The following ZC3H18 variants were observed in gnomAD, a reference collection of about 807,000 sequenced individuals.
ZC3H18 encodes the protein zinc finger CCCH domain-containing protein 18.
In ZC3H18, 8 loss-of-function variants were observed where a neutral mutation model predicts 106.1. The observed-to-expected ratio is 0.08, with a 90% CI of 0.04 to 0.14. The LOEUF (loss-of-function observed/expected upper bound fraction) is 0.14, where lower values mean the gene tolerates loss of function less well. Ranked by LOEUF, ZC3H18 falls within the 10% of genes least tolerant of loss-of-function variation. The probability of loss-of-function intolerance (pLI) is 1.00; values close to 1 mark genes in which losing one functional copy is unlikely to be tolerated. For synonymous variants in ZC3H18, 635 were observed against 522.1 expected, an observed-to-expected ratio of 1.22 and a Z score of -2.95; for missense variants, 1,318 against 1,278.4, an observed-to-expected ratio of 1.03 and a Z score of -0.47.
intron 16 of ZC3H18, 91 bp downstream of exon 16, chr16:88,628,945 A>G (rs1906493878): frequency 2.3e-6 from 3 of 1,295,642 alleles, no homozygotes; most frequent in African/African-American, 1.5e-5. Flanking sequence ...GCTCTTAACA[A>G]GTAGGAGGAG....
At chr16:88,590,564 CTT>C (rs57632461) in intron 3 of ZC3H18, among the ~76,000 whole-genome samples, 17 of 100,670 alleles carry the variant, frequency 1.7e-4, no homozygotes, top group Admixed American at 9.1e-4. Context: ...TTCTTTATTT[CTT>C]TTTTTTTTTT....
At chr16:88,616,242 T>G (rs939549964) in intron 8 of ZC3H18, among the ~76,000 whole-genome samples, 2 of 152,122 alleles carry the variant, frequency 1.3e-5, no homozygotes, top group Non-Finnish European at 2.9e-5. Flanking sequence ...CTAAATGAGT[T>G]TTTCTTAAAA....
At chr16:88,587,548 T>C in intron 3 of ZC3H18, 1 of 1,536,136 alleles carries the variant, frequency 6.5e-7, no homozygotes, top group East Asian at 2.4e-5. Context: ...CCAGATGTTG[T>C]GACACCATTA....
intron 8 of ZC3H18, among the ~76,000 whole-genome samples, chr16:88,619,050 T>A (rs1195737989): frequency 6.6e-6 from 1 of 152,192 alleles, no homozygotes; most frequent in Non-Finnish European, 1.5e-5. Context: ...TGACATTCTT[T>A]GCTGAGAGAA....
At chr16:88,597,820 C>G (rs890632887) in intron 3 of ZC3H18, among the ~76,000 whole-genome samples, 6 of 152,252 alleles carry the variant, frequency 3.9e-5, no homozygotes, top group African/African-American at 1.4e-4. Flanking sequence ...CCAGTTGTAC[C>G]TAGATGAGCC....
chr16:88,582,488 A>T (rs1201897939), intron 2 of ZC3H18, among the ~76,000 whole-genome samples: 9 of 152,114 alleles, frequency 5.9e-5, no homozygotes. Context: ...GTCTGGATCC[A>T]TGAGCTCTTC....
intron 3 of ZC3H18, among the ~76,000 whole-genome samples, chr16:88,591,773 A>G (rs1915766579): frequency 6.6e-6 from 1 of 152,034 alleles, no homozygotes; most frequent in South Asian, 2.1e-4. Flanking sequence ...GTTGCTGATG[A>G]CCTGGTGGTT....
chr16:88,612,663 A>G (rs2142755095), intron 8 of ZC3H18, among the ~76,000 whole-genome samples: 1 of 151,278 alleles, frequency 6.6e-6, no homozygotes, highest in Admixed American at 6.6e-5. Flanking sequence ...TGGATGACAA[A>G]GTGAGACCCT....
At chr16:88,622,088 C>T in intron 8 of ZC3H18, 109 bp from the exon 9 acceptor site, 2 of 1,319,610 alleles carry the variant, frequency 1.5e-6, no homozygotes, top group South Asian at 1.6e-5. Context: ...TCAGGTGATC[C>T]TTAAATAAGC....
intron 17 of ZC3H18, among the ~76,000 whole-genome samples, chr16:88,630,852 G>A (rs542977668): frequency 3.3e-5 from 5 of 151,378 alleles, no homozygotes; most frequent in African/African-American, 1.2e-4. Flanking sequence ...CCTGGGCACA[G>A]AGGTGGGAAG....
In ZC3H18 at chr16:88,627,184, C is replaced by T. The variant is rs770340138; in HGVS notation, c.2109-438C>T. ...TCCCGGGTTCAAGCGATTTTTTTGC[C>T]TCAGCCTCCCCAGTAGCTGGGATTA... is the stretch of plus-strand genomic sequence containing the variant. On this transcript the variant is annotated intron_variant, in intron 13 of 17. Coordinates refer to ENST00000301011, the MANE Select transcript of ZC3H18 (RefSeq NM_144604.4). The surrounding 1 kb of genome is among the most constrained non-coding windows in gnomAD (Gnocchi z 4.5). The T allele has an allele frequency of 6.5e-6, 1 of 154,602 alleles. No homozygotes were observed. The highest frequency in any genetic ancestry group is 1.4e-5 in the Non-Finnish European group (1 of 69,666). 9.6% of individuals were successfully genotyped at this position (154,602 alleles called of 1,614,324 possible). A position where few individuals can be genotyped will look rare whatever the true frequency, so the allele number is the denominator to read the frequency against.
At chr16:88,599,677 AGCTCCT>A (rs1435845161) in intron 5 of ZC3H18, 108 bp from the exon 6 acceptor site, 23 of 1,272,128 alleles carry the variant, frequency 1.8e-5, no homozygotes, top group Non-Finnish European at 2.5e-5. Flanking sequence ...TGCAGCGTGC[AGCTCCT>A]GCTCCTGCAG....
intron 3 of ZC3H18, among the ~76,000 whole-genome samples, chr16:88,591,978 C>T (rs1354709248): frequency 1.3e-5 from 2 of 150,712 alleles, no homozygotes; most frequent in South Asian, 2.1e-4. Context: ...TTTGAGGAAC[C>T]GCTGGCAGCG....
At chr16:88,606,406 C>T (rs914018507) in intron 6 of ZC3H18, among the ~76,000 whole-genome samples, 5 of 152,240 alleles carry the variant, frequency 3.3e-5, no homozygotes, top group African/African-American at 1.2e-4. Flanking sequence ...TTCCTATCCG[C>T]TCATCCACGA....
intron 6 of ZC3H18, among the ~76,000 whole-genome samples, chr16:88,602,322 G>A (rs1233344212): frequency 6.6e-6 from 1 of 152,264 alleles, no homozygotes; most frequent in Admixed American, 6.5e-5. Context: ...TGCATGACAG[G>A]CTTCGCATCC....
Position 88,577,677 on chromosome 16 carries a change from A to T in ZC3H18, c.554A>T (p.Glu185Val). Residue 185 changes from glutamate to valine, a missense_variant, in exon 2 of 18, where the codon GAG (glutamate) becomes GTG (valine). Physicochemically the swap from Glu to Val is moderately radical, Grantham distance 121. Transcript: ENST00000301011. ...AAGGAATCCCTGGAGGCTGCCAAGGAGAAAAAGAAAGAGGACGATGATGGA... is the reference window on the plus strand; with the variant it reads ...AAGGAATCCCTGGAGGCTGCCAAGGTGAAAAAGAAAGAGGACGATGATGGA... ...GEKESLEAAK[E>V]KKKEDDDGEI... 1 of 1,613,892 alleles carries T rather than the reference A, an allele frequency of 6.2e-7. No homozygotes were observed. Among genetic ancestry groups the T allele is most frequent in the Non-Finnish European group, 8.5e-7 (1 of 1,180,034 alleles).
intron 6 of ZC3H18, among the ~76,000 whole-genome samples, chr16:88,607,386 T>C (rs1055582523): frequency 6.6e-6 from 1 of 152,214 alleles, no homozygotes; most frequent in African/African-American, 2.4e-5. Flanking sequence ...TGAACTTGGG[T>C]GTCAGCTTGT....
chr16:88,610,069 G>C (rs1347550976), intron 7 of ZC3H18, among the ~76,000 whole-genome samples: 2 of 151,998 alleles, frequency 1.3e-5, no homozygotes, highest in Admixed American at 6.6e-5. Flanking sequence ...AGTCTGTTCC[G>C]GGCCTGCTGC....
intron 3 of ZC3H18, among the ~76,000 whole-genome samples, chr16:88,590,453 T>C (rs1915677171): frequency 6.6e-6 from 1 of 152,158 alleles, no homozygotes; most frequent in African/African-American, 2.4e-5. Flanking sequence ...CTTCATGGGA[T>C]GTTTTTATCT....
Sources: allele counts gnomAD v4.1 joint callset (sites outside exome capture counted in the v4.1 genomes callset), GRCh38; gene constraint gnomAD v4.1.1; non-coding constraint Gnocchi (gnomAD v3.1); transcripts MANE v1.5; gene names NCBI Gene and HGNC (gene_info 2026-07-23, HGNC 2026-07-21).